The following MCF2L2 variants were observed in gnomAD, a reference collection of about 807,000 sequenced individuals.
The protein encoded by MCF2L2 is MCF.2 cell line derived transforming sequence-like 2.
Under a neutral mutation model 150.2 loss-of-function variants are expected in MCF2L2, and 102 were observed. The observed-to-expected ratio is 0.68, with a 90% CI of 0.58 to 0.80. The LOEUF is 0.80. Among genes scored for constraint, MCF2L2 ranks in the 30% least tolerant of loss-of-function variants. The probability of loss-of-function intolerance (pLI) is 0.00; values close to 1 mark genes in which losing one functional copy is unlikely to be tolerated. For missense variants in MCF2L2, 1,256 were observed against 1,372.8 expected, an observed-to-expected ratio of 0.91 and a Z score of 1.34; for synonymous variants, 465 against 491.3, an observed-to-expected ratio of 0.95 and a Z score of 0.71.
intron 3 of MCF2L2, among the ~76,000 whole-genome samples, chr3:183,351,190 GTA>G (rs60311053): frequency 0.084 from 3,210 of 38,324 alleles, 147 homozygotes; most frequent in East Asian, 0.09. Context: ...ATTTTCTTAA[GTA>G]TATATATATA....
chr3:183,377,438 TACCATTTGTTTGGAATG>T (rs1175559608), intron 3 of MCF2L2: 8 of 152,132 alleles, frequency 5.3e-5, no homozygotes, highest in Admixed American at 1.3e-4. Context: ...CTACAACAAA[TACCATTTGTTTGGAATG>T]ACTCATTATC....
intron 7 of MCF2L2, among the ~76,000 whole-genome samples, chr3:183,312,948 G>GCC (rs1274624496): frequency 6.6e-6 from 1 of 152,056 alleles, no homozygotes; most frequent in African/African-American, 2.4e-5. Flanking sequence ...CCCCACATTA[G>GCC]CCACATGGCT....
intron 2 of MCF2L2, among the ~76,000 whole-genome samples, chr3:183,386,431 C>T (rs17216229): frequency 0.096 from 14,652 of 152,264 alleles, 944 homozygotes; most frequent in Non-Finnish European, 0.14. Context: ...CGCAAACCAT[C>T]GGGCCACAAA....
rs571894828 is a variant in MCF2L2 at position 183,286,887 on chromosome 3, G to A, written c.1776+2233C>T. Among the ~76,000 whole-genome samples, 82 of 152,278 alleles carry A rather than the reference G, an allele frequency of 5.4e-4. 1 individual carries two copies. Among genetic ancestry groups the A allele is most frequent in the African/African-American group, 1.9e-3 (80 of 41,542 alleles). On this transcript the variant is annotated intron_variant, in intron 14 of 29. Coordinates refer to ENST00000328913, the MANE Select transcript of MCF2L2 (RefSeq NM_015078.4). Reference sequence around the variant, plus strand: ...AAATACGCAAACAAATCAACAATAAGGAAGAAAACAACTGAAGCACAGAAG... The same window carrying A: ...AAATACGCAAACAAATCAACAATAAAGAAGAAAACAACTGAAGCACAGAAG...
chr3:183,194,200 A>C (rs1426998405), intron 26 of MCF2L2, among the ~76,000 whole-genome samples: 1 of 152,178 alleles, frequency 6.6e-6, no homozygotes, highest in Non-Finnish European at 1.5e-5. Flanking sequence ...CGGGGGTTCC[A>C]TGAGGATCAG....
chr3:183,192,226 G>A (rs575920873), intron 27 of MCF2L2, among the ~76,000 whole-genome samples: 3 of 151,998 alleles, frequency 2.0e-5, no homozygotes, highest in South Asian at 2.1e-4. Context: ...TGCAACCTCC[G>A]CCTCCCAGGT....
At chr3:183,187,467 A>T (rs1721736565) in intron 27 of MCF2L2, among the ~76,000 whole-genome samples, 1 of 152,024 alleles carries the variant, frequency 6.6e-6, no homozygotes, top group South Asian at 2.1e-4. Flanking sequence ...TTTTTTTATT[A>T]TTTTATTATT....
chr3:183,379,465 T>G, intron 2 of MCF2L2, 54 bp from the exon 3 acceptor site: 1 of 1,258,164 alleles, frequency 7.9e-7, no homozygotes, highest in Non-Finnish European at 1.1e-6. Flanking sequence ...CTGTCACACC[T>G]CTGCAGGGAA....
chr3:183,427,926 G>A lies in MCF2L2; in HGVS notation c.52C>T (p.Leu18=). 6.2e-7 allele frequency: 1 copy of A among 1,614,158 alleles called. No homozygotes were observed. The highest frequency in any genetic ancestry group is 8.5e-7 in the Non-Finnish European group (1 of 1,179,984). Residue 18 remains leucine (L), a synonymous_variant, in exon 1 of 30, where the codon CTG becomes TTG. Coordinates refer to ENST00000328913, the MANE Select transcript of MCF2L2 (RefSeq NM_015078.4). ...EMPPQELTRR[L]ATVITHVDEI... ...CCGACATGAGTGATCACTGTGGCCA[G>A]TCGCCGGGTGAGCTCCTGGGGAGGC...
intron 14 of MCF2L2, among the ~76,000 whole-genome samples, chr3:183,284,321 C>A (rs1172669379): frequency 6.6e-6 from 1 of 152,214 alleles, no homozygotes; most frequent in Non-Finnish European, 1.5e-5. Context: ...CCCAAGTCCT[C>A]ATGACCTATA....
At chr3:183,201,686 C>T (rs1722290614) in intron 25 of MCF2L2, among the ~76,000 whole-genome samples, 1 of 152,186 alleles carries the variant, frequency 6.6e-6, no homozygotes, top group Non-Finnish European at 1.5e-5. Context: ...TGAGAGAGGG[C>T]ATCCCTGTCT....
chr3:183,289,009 T>A, intron 14 of MCF2L2, 111 bp downstream of exon 14: 1 of 724,746 alleles, frequency 1.4e-6, no homozygotes, highest in Non-Finnish European at 2.4e-6. Context: ...GTCTGTGCTA[T>A]GTGCCTTAGG....
At position 183,197,325 on chromosome 3, in the gene MCF2L2, T is replaced by C. The variant is rs571716416; in HGVS notation, c.2885-2070A>G. On this transcript the variant is annotated intron_variant, in intron 25 of 29. Coordinates refer to ENST00000328913, the MANE Select transcript of MCF2L2 (RefSeq NM_015078.4). The surrounding 1 kb of genome is among the most constrained non-coding windows in gnomAD (Gnocchi z 4.5). ...TCAGGCATCCAGAAATAGATGCACT[T>C]ACATAAATCATCAATTGGAGAAAGA... Among the ~76,000 whole-genome samples the C allele has an allele frequency of 3.9e-5, 6 of 152,292 alleles. No homozygotes were observed. The South Asian group carries it at 1.2e-3, about 32-fold the overall frequency.
intron 20 of MCF2L2, among the ~76,000 whole-genome samples, chr3:183,221,685 G>A (rs1723154112): frequency 6.6e-6 from 1 of 152,210 alleles, no homozygotes; most frequent in Non-Finnish European, 1.5e-5. Flanking sequence ...AATGGGACAT[G>A]CAGAGGAGCA....
intron 16 of MCF2L2, among the ~76,000 whole-genome samples, chr3:183,230,569 A>T (rs950944859): frequency 6.6e-6 from 1 of 152,210 alleles, no homozygotes; most frequent in African/African-American, 2.4e-5. Context: ...TTTCCTTAAG[A>T]TTATTCCCTT....
At chr3:183,383,460 C>G (rs1261626346) in intron 2 of MCF2L2, among the ~76,000 whole-genome samples, 1 of 152,206 alleles carries the variant, frequency 6.6e-6, no homozygotes, top group East Asian at 1.9e-4. Context: ...TCTCTTAACT[C>G]CCGACCTCAG....
At chr3:183,328,271 T>C (rs554177499) in intron 5 of MCF2L2, among the ~76,000 whole-genome samples, 1 of 152,256 alleles carries the variant, frequency 6.6e-6, no homozygotes, top group East Asian at 1.9e-4. Flanking sequence ...ATAAGTAAAG[T>C]GTTTCCCTTA....
chr3:183,302,588 T>C (rs1728908511), intron 10 of MCF2L2, among the ~76,000 whole-genome samples: 1 of 152,122 alleles, frequency 6.6e-6, no homozygotes, highest in African/African-American at 2.4e-5. Context: ...CCACTCCCGG[T>C]ACAGTGTCCA....
At chr3:183,307,237 T>C (rs1729142431) in intron 10 of MCF2L2, among the ~76,000 whole-genome samples, 1 of 152,150 alleles carries the variant, frequency 6.6e-6, no homozygotes, top group South Asian at 2.1e-4. Context: ...TCCAGGCAGA[T>C]ATTTGTCAGA....
Sources: gnomAD v4.1 joint callset for allele counts (sites outside exome capture counted in the v4.1 genomes callset) on GRCh38, gnomAD v4.1.1 for gene constraint, Gnocchi (gnomAD v3.1) non-coding constraint, MANE v1.5 for transcripts, NCBI Gene and HGNC (gene_info 2026-07-23, HGNC 2026-07-21) for gene names.